The following WWTR1 variants were observed in gnomAD, a reference collection of about 807,000 sequenced individuals.
WWTR1 encodes the protein WW domain-containing transcription regulator protein 1.
A neutral mutation model predicts 40.1 loss-of-function variants in WWTR1; 13 were observed. The observed-to-expected ratio is 0.32, with a 90% CI of 0.21 to 0.52. The LOEUF is 0.52. Ranked by LOEUF, WWTR1 falls within the 20% of genes least tolerant of loss-of-function variation. The pLI, the probability that WWTR1 is intolerant of heterozygous loss-of-function variation, is 0.97. For synonymous variants in WWTR1, 230 were observed against 210.1 expected (o/e 1.09, Z -0.82); for missense variants, 436 against 523.1 (o/e 0.83, Z 1.63).
chr3:149,636,890 G>T (rs1307102516), intron 2 of WWTR1, among the ~76,000 whole-genome samples: 1 of 150,468 alleles, frequency 6.6e-6, no homozygotes. Flanking sequence ...CTTGAACCCA[G>T]GGGGCAGAGG....
chr3:149,529,817 G>T (rs1361681982), intron 4 of WWTR1, among the ~76,000 whole-genome samples: 7 of 152,034 alleles, frequency 4.6e-5, no homozygotes, highest in Admixed American at 2.6e-4. Context: ...GCCACAGTTT[G>T]AAAAAATGTA....
Position 149,566,017 on chromosome 3 carries a change from A to C in WWTR1, c.568+6847T>G, listed in dbSNP as rs769791121. Among the ~76,000 whole-genome samples, 2 of 151,880 alleles carry C rather than the reference A, an allele frequency of 1.3e-5. 1 individual carries two copies. ...GCTGATTAACTAGAGTGTATTTGAC[A>C]ATAGATAGCTTCCTCAAAATCTAAG... On this transcript the variant is annotated intron_variant, in intron 3 of 6. Coordinates refer to ENST00000360632, the MANE Select transcript of WWTR1 (RefSeq NM_015472.6).
intron 2 of WWTR1, among the ~76,000 whole-genome samples, chr3:149,632,621 T>C (rs1378926523): frequency 6.6e-6 from 1 of 152,202 alleles, no homozygotes; most frequent in Non-Finnish European, 1.5e-5. Context: ...CAAAAATGGA[T>C]GTAATTTTCA....
intron 2 of WWTR1, among the ~76,000 whole-genome samples, chr3:149,576,715 T>G (rs990245062): frequency 1.6e-4 from 24 of 152,194 alleles, no homozygotes; most frequent in African/African-American, 5.8e-4. Context: ...ATCAAACTAT[T>G]TATGGTGATA....
upstream of WWTR1, chr3:149,659,343 T>TTTTTTTTTTG (rs1713462202): frequency 6.9e-6 from 1 of 144,194 alleles, no homozygotes; most frequent in Admixed American, 7.0e-5. Flanking sequence ...TTTTTTTTTT[T>TTTTTTTTTTG]TTTTTTTGAG....
chr3:149,663,737 A>T (rs1576631024), intron 2 of WWTR1, among the ~76,000 whole-genome samples: 1 of 152,202 alleles, frequency 6.6e-6, no homozygotes, highest in East Asian at 1.9e-4. Flanking sequence ...AGAAGGCCAC[A>T]ATTCCTTGTT....
At chr3:149,531,180 C>T (rs1216775261) in intron 4 of WWTR1, among the ~76,000 whole-genome samples, 1 of 152,164 alleles carries the variant, frequency 6.6e-6, no homozygotes, top group Non-Finnish European at 1.5e-5. Flanking sequence ...AATGATCTGC[C>T]CACCTTGGCC....
intron 5 of WWTR1, among the ~76,000 whole-genome samples, chr3:149,526,733 A>G (rs1264311498): frequency 6.6e-6 from 1 of 152,218 alleles, no homozygotes; most frequent in African/African-American, 2.4e-5. Context: ...ACCTCCATTA[A>G]TTATTATTTC....
intron 3 of WWTR1, among the ~76,000 whole-genome samples, chr3:149,555,470 C>T (rs1158906588): frequency 6.6e-6 from 1 of 150,816 alleles, no homozygotes; most frequent in Non-Finnish European, 1.5e-5. Flanking sequence ...TTGCATTGGG[C>T]CAGGACCACT....
intron 1 of WWTR1, among the ~76,000 whole-genome samples, chr3:149,678,411 AG>A (rs1714344383): frequency 6.6e-6 from 1 of 152,188 alleles, no homozygotes; most frequent in Non-Finnish European, 1.5e-5. Context: ...GCAGTTCTGC[AG>A]GCCCTTTTTC....
intron 2 of WWTR1, among the ~76,000 whole-genome samples, chr3:149,592,787 C>G (rs1378178024): frequency 1.3e-5 from 2 of 152,116 alleles, no homozygotes; most frequent in African/African-American, 2.4e-5. Context: ...AATAAAGCTT[C>G]CCTTGGTTCG....
chr3:149,580,011 C>T (rs1191782894), intron 2 of WWTR1, among the ~76,000 whole-genome samples: 4 of 152,128 alleles, frequency 2.6e-5, no homozygotes, highest in African/African-American at 7.2e-5. Flanking sequence ...TAATCCTGTA[C>T]CAGATGGCAA....
At chr3:149,602,097 C>A (rs1336869127) in intron 2 of WWTR1, among the ~76,000 whole-genome samples, 1 of 152,118 alleles carries the variant, frequency 6.6e-6, no homozygotes, top group Non-Finnish European at 1.5e-5. Flanking sequence ...AGAAAAACTA[C>A]CAATATGCAT....
intron 2 of WWTR1, among the ~76,000 whole-genome samples, chr3:149,627,092 C>G (rs1239568704): frequency 6.6e-6 from 1 of 152,048 alleles, no homozygotes; most frequent in Admixed American, 6.6e-5. Flanking sequence ...AATATGAATT[C>G]CAGATAAATA....
intron 3 of WWTR1, among the ~76,000 whole-genome samples, chr3:149,559,635 G>C (rs1560060230): frequency 1.3e-5 from 2 of 152,172 alleles, no homozygotes; most frequent in Non-Finnish European, 1.5e-5. Context: ...CAAACCTCCT[G>C]GAGACAGAAT....
chr3:149,615,035 G>T (rs1163389627), intron 2 of WWTR1, among the ~76,000 whole-genome samples: 1 of 152,024 alleles, frequency 6.6e-6, no homozygotes, highest in Non-Finnish European at 1.5e-5. Flanking sequence ...CATTATACTA[G>T]TCTACTAGTA....
Position 149,555,498 on chromosome 3 carries a change from A to C in WWTR1, c.569-12961T>G, listed in dbSNP as rs531841911. Among the ~76,000 whole-genome samples the C allele has an allele frequency of 2.5e-4, 38 of 152,020 alleles. No individual in the cohort carries two copies. The East Asian group carries it at 6.4e-3, about 26-fold the overall frequency. ...GGACCACTCAGGAAAAAAAAAAAAAACGAAAGAAGAATGTAACCAGGGGTA... is the reference window on the plus strand; with the variant it reads ...GGACCACTCAGGAAAAAAAAAAAAACCGAAAGAAGAATGTAACCAGGGGTA... On this transcript the variant is annotated intron_variant, in intron 3 of 6. Transcript: ENST00000360632.
chr3:149,572,559 A>T (rs1737687237), intron 3 of WWTR1, among the ~76,000 whole-genome samples: 1 of 152,166 alleles, frequency 6.6e-6, no homozygotes, highest in Non-Finnish European at 1.5e-5. Flanking sequence ...CAGAAGGGTA[A>T]CACGGTATTG....
At chr3:149,682,427 A>G (rs542000347) in intron 1 of WWTR1, among the ~76,000 whole-genome samples, 2 of 152,338 alleles carry the variant, frequency 1.3e-5, no homozygotes, top group South Asian at 4.1e-4. Context: ...GGCCATGGGA[A>G]CCAAGGACTG....
Sources: gnomAD v4.1 joint callset for allele counts (sites outside exome capture counted in the v4.1 genomes callset) on GRCh38, gnomAD v4.1.1 for gene constraint, MANE v1.5 for transcripts, NCBI Gene and HGNC (gene_info 2026-07-23, HGNC 2026-07-21) for gene names.